DAB2IP: variants seen among roughly 807,000 people sequenced by gnomAD.
DAB2IP encodes DAB2 interacting protein.
DAB2IP carries 28 observed loss-of-function variants against 107.2 expected under a neutral mutation model. The observed-to-expected ratio is 0.26, with a 90% confidence interval of 0.19 to 0.36. The LOEUF (loss-of-function observed/expected upper bound fraction) is 0.36. Ranked by LOEUF, DAB2IP falls within the 10% of genes least tolerant of loss-of-function variation. DAB2IP has a pLI of 1.00. For synonymous variants in DAB2IP, 755 were observed against 706.4 expected, an observed-to-expected ratio of 1.07 and a Z score of -1.09; for missense variants, 1,400 against 1,644.7, an observed-to-expected ratio of 0.85 and a Z score of 2.57.
rs146364818 is a variant in DAB2IP, at chr9:121,603,576, C to G, written c.40+36348C>G. Among the ~76,000 whole-genome samples the G allele has an allele frequency of 4.5e-3, 682 of 152,200 alleles. 8 individuals carry two copies. The highest frequency in any genetic ancestry group is 0.016 in the African/African-American group (654 of 41,534). On this transcript the variant is annotated intron_variant, in intron 1 of 16. Transcript: ENST00000259371. ...TGCCTTGACAATAAGGCACTCTGGCCTTTTTTGCAGTCTTGTTCATGCCTC... is the reference window on the plus strand; with the variant it reads ...TGCCTTGACAATAAGGCACTCTGGCGTTTTTTGCAGTCTTGTTCATGCCTC...
At chr9:121,668,907 C>CTTTTTTTTTTTTTTTTTTTT (rs377320590) in intron 1 of DAB2IP, among the ~76,000 whole-genome samples, 1 of 72,154 alleles carries the variant, frequency 1.4e-5, no homozygotes, top group African/African-American at 6.0e-5. Flanking sequence ...GTAAGCCTTA[C>CTTTTTTTTTTTTTTTTTTTT]TTTTTTTTTT....
At chr9:121,585,107 C>T (rs1268345575) in intron 1 of DAB2IP, among the ~76,000 whole-genome samples, 1 of 152,108 alleles carries the variant, frequency 6.6e-6, no homozygotes, top group East Asian at 1.9e-4. Context: ...GGTTCAAGTC[C>T]CAACTCCTCC....
chr9:121,651,136 T>C (rs1162182321), upstream of DAB2IP, among the ~76,000 whole-genome samples: 1 of 152,172 alleles, frequency 6.6e-6, no homozygotes, highest in East Asian at 1.9e-4. The surrounding 1 kb of genome is among the most constrained non-coding windows in gnomAD (Gnocchi z 5.1). Context: ...TACATAAAAA[T>C]GATACGTGTA....
In DAB2IP at chr9:121,736,540, G is replaced by T. The variant is rs1243809390; in HGVS notation, c.363-20473G>T. ...TGGGAAGGGCTGGGCCTACTGCTGT[G>T]GGGTGGGGGGCGGGTGGGAGGGCCC... is the stretch of plus-strand genomic sequence containing the variant. On this transcript the variant is annotated intron_variant, in intron 3 of 15. Transcript: ENST00000408936. This position sits in a 1 kb window ranked among gnomAD's most constrained non-coding sequence, Gnocchi z 4.6. 3.5e-4 allele frequency among the ~76,000 whole-genome samples: 53 copies of T among 151,662 alleles called. No homozygotes were observed. The highest frequency in any genetic ancestry group is 1.2e-3 in the African/African-American group (50 of 41,400).
At chr9:121,612,554 G>A (rs1423753478) in intron 1 of DAB2IP, among the ~76,000 whole-genome samples, 1 of 152,220 alleles carries the variant, frequency 6.6e-6, no homozygotes, top group East Asian at 1.9e-4. Context: ...TCACCGGGGT[G>A]AGTGTCTGTT....
chr9:121,617,867 C>T (rs937397773), intron 1 of DAB2IP, among the ~76,000 whole-genome samples: 6 of 151,862 alleles, frequency 4.0e-5, no homozygotes, highest in South Asian at 4.1e-4. Context: ...TGCGTACTCA[C>T]GTGGGAGGGG....
At chr9:121,614,760 G>A (rs1223112602) in intron 1 of DAB2IP, among the ~76,000 whole-genome samples, 14 of 140,124 alleles carry the variant, frequency 1.0e-4, no homozygotes, top group African/African-American at 3.5e-4. Context: ...TTGAGATGGA[G>A]TCTTGCTCTA....
exon 16 of DAB2IP, chr9:121,785,314 G>A (rs1835932450): frequency 6.5e-6 from 1 of 152,732 alleles, no homozygotes; most frequent in South Asian, 2.1e-4. Flanking sequence ...AAGCCCCCCA[G>A]CTCCCACACC....
At position 121,632,194 on chromosome 9, in the gene DAB2IP, C is replaced by T. The variant is rs1036698550; in HGVS notation, c.41-46484C>T. ...GCCTCGGGCGTGTTTGTTACGCTTG[C>T]GAATTAATTTGCTCATCTAAGACGC... On this transcript the variant is annotated intron_variant, in intron 1 of 16. Transcript: ENST00000259371. Among the ~76,000 whole-genome samples the T allele has an allele frequency of 7.9e-5, 12 of 152,300 alleles. 1 individual carries two copies. The highest frequency in any genetic ancestry group is 6.2e-4 in the South Asian group (3 of 4,826).
Position 121,760,370 on chromosome 9 carries a change from C to A in DAB2IP, c.1101C>A (p.Leu367=). 6.2e-7 allele frequency: 1 copy of A among 1,611,876 alleles called. No homozygotes were observed. Reference sequence around the variant, plus strand: ...TGTGTGCAGCCCTCGAGCCCATCCTCAGTGCCAAGACCAAGGAGGAGATGG... The same window carrying A: ...TGTGTGCAGCCCTCGAGCCCATCCTAAGTGCCAAGACCAAGGAGGAGATGG... Residue 367 remains leucine, a synonymous_variant, in exon 6 of 16, where the codon CTC becomes CTA. Coordinates refer to ENST00000408936, the Ensembl canonical transcript of DAB2IP. The surrounding 1 kb of genome is among the most constrained non-coding windows in gnomAD (Gnocchi z 5.9).
Position 121,699,137 on chromosome 9 carries a change from G to C in DAB2IP, c.229-188G>C, listed in dbSNP as rs1241512353. On this transcript the variant is annotated intron_variant, in intron 2 of 15. Coordinates refer to ENST00000408936, the Ensembl canonical transcript of DAB2IP. The surrounding 1 kb of genome is among the most constrained non-coding windows in gnomAD (Gnocchi z 6.2). ...GGGGTGGGCTGGGCCGCGCTGCGCGGGCCGGGCCGTCGGCGCTCGGTCGGC... is the reference window on the plus strand; with the variant it reads ...GGGGTGGGCTGGGCCGCGCTGCGCGCGCCGGGCCGTCGGCGCTCGGTCGGC... Among the ~76,000 whole-genome samples, 1 of 145,554 alleles carries C rather than the reference G, an allele frequency of 6.9e-6. No individual in the cohort carries two copies. Among genetic ancestry groups the C allele is most frequent in the Non-Finnish European group, 1.5e-5 (1 of 65,606 alleles).
intron 1 of DAB2IP, among the ~76,000 whole-genome samples, chr9:121,580,940 TTGAG>T (rs1295800817): frequency 6.6e-6 from 1 of 152,076 alleles, no homozygotes; most frequent in Non-Finnish European, 1.5e-5. Context: ...TCTAAGAACT[TTGAG>T]TGATTCAGTG....
intron 1 of DAB2IP, among the ~76,000 whole-genome samples, chr9:121,600,593 G>A (rs1267094589): frequency 6.6e-6 from 1 of 152,190 alleles, no homozygotes; most frequent in Non-Finnish European, 1.5e-5. Flanking sequence ...GAGTGGGTGA[G>A]TAGGTAGCTT....
At chr9:121,718,326 G>A (rs1390442646) in intron 3 of DAB2IP, among the ~76,000 whole-genome samples, 1 of 152,212 alleles carries the variant, frequency 6.6e-6, no homozygotes, top group African/African-American at 2.4e-5. Context: ...GGCGTGGGCG[G>A]GGGTCCTCGG....
At chr9:121,642,029 C>CTCTTTCTT (rs1156645580) in intron 1 of DAB2IP, among the ~76,000 whole-genome samples, 330 of 26,380 alleles carry the variant, frequency 0.013, 5 homozygotes, top group Middle Eastern at 0.019. Context: ...CTCTCTCTCT[C>CTCTTTCTT]TCTTTCTTTC....
intron 1 of DAB2IP, among the ~76,000 whole-genome samples, chr9:121,674,003 C>T (rs945721914): frequency 6.6e-6 from 1 of 152,194 alleles, no homozygotes; most frequent in Non-Finnish European, 1.5e-5. Context: ...AATAGAGGGG[C>T]TGCTTATGAA....
At chr9:121,654,415 G>A (rs931628602) in intron 1 of DAB2IP, among the ~76,000 whole-genome samples, 1 of 152,114 alleles carries the variant, frequency 6.6e-6, no homozygotes, top group Admixed American at 6.5e-5. Flanking sequence ...AACATAGCAA[G>A]ACCCTGTCTC....
intron 1 of DAB2IP, chr9:121,575,288 G>A (rs1830029752): frequency 6.5e-6 from 1 of 154,528 alleles, no homozygotes; most frequent in Admixed American, 6.5e-5. Flanking sequence ...GAGCCTCGGA[G>A]GGATGGGGAC....
At chr9:121,737,918 G>C (rs1242237542) in intron 3 of DAB2IP, among the ~76,000 whole-genome samples, 1 of 152,164 alleles carries the variant, frequency 6.6e-6, no homozygotes, top group African/African-American at 2.4e-5. Flanking sequence ...TGCAAGGCTT[G>C]GGGGACTGAA....
Sources: gnomAD v4.1 joint callset for allele counts (sites outside exome capture counted in the v4.1 genomes callset) on GRCh38, gnomAD v4.1.1 for gene constraint, Gnocchi (gnomAD v3.1) non-coding constraint, MANE v1.5 for transcripts, NCBI Gene and HGNC (gene_info 2026-07-23, HGNC 2026-07-21) for gene names.